GRM5: variants seen among roughly 807,000 people sequenced by gnomAD.
GRM5 encodes the protein metabotropic glutamate receptor 5.
Under a neutral mutation model 83.1 loss-of-function variants are expected in GRM5, and 19 were observed. The ratio of observed to expected loss-of-function variants is 0.23; its 90% CI spans 0.16 to 0.34. GRM5 has a LOEUF of 0.34. Among genes scored for constraint, GRM5 ranks in the 10% least tolerant of loss-of-function variants. The pLI, the probability that GRM5 is intolerant of heterozygous loss-of-function variation, is 1.00. For missense variants in GRM5, 1,160 were observed against 1,588.3 expected, an observed-to-expected ratio of 0.73 and a Z score of 4.58; for synonymous variants, 675 against 633.6, an observed-to-expected ratio of 1.07 and a Z score of -0.98.
At chr11:88,981,281 A>C (rs746260761) in intron 2 of GRM5, among the ~76,000 whole-genome samples, 1 of 152,202 alleles carries the variant, frequency 6.6e-6, no homozygotes, top group Non-Finnish European at 1.5e-5. Flanking sequence ...AAACATGAGG[A>C]AACTGAAGCT....
intron 8 of GRM5, among the ~76,000 whole-genome samples, chr11:88,542,779 A>G (rs754739477): frequency 9.9e-5 from 15 of 152,164 alleles, no homozygotes; most frequent in Non-Finnish European, 1.5e-4. Flanking sequence ...GGTAAAGATA[A>G]TAACACCTGC....
chr11:88,552,752 G>A (rs1942539699), intron 8 of GRM5, among the ~76,000 whole-genome samples: 1 of 152,126 alleles, frequency 6.6e-6, no homozygotes, highest in South Asian at 2.1e-4. Flanking sequence ...ACTGAGGATG[G>A]TCAGAAATGC....
chr11:89,046,962 G>T (rs913619187), intron 2 of GRM5, among the ~76,000 whole-genome samples: 21 of 152,168 alleles, frequency 1.4e-4, no homozygotes, highest in South Asian at 4.1e-4. Flanking sequence ...CAGTATAGCA[G>T]AAGTAAATAA....
intron 2 of GRM5, among the ~76,000 whole-genome samples, chr11:88,850,872 T>C (rs1308758679): frequency 8.2e-6 from 1 of 121,588 alleles, no homozygotes; most frequent in African/African-American, 3.3e-5. Context: ...CTTTAAAAAT[T>C]AATGAAAAGG....
At position 88,508,429 on chromosome 11, in the gene GRM5, C is replaced by G. The variant is rs566277; in HGVS notation, c.*163G>C. 0.089 allele frequency: 44,785 copies of G among 502,398 alleles called. 4,484 individuals carry two copies. Among genetic ancestry groups the G allele is most frequent in the East Asian group, 0.35 (9,797 of 28,392 alleles). The allele number at this position is 502,398 out of a possible 1,614,324, so 31.1% of individuals were successfully genotyped here. A position where few individuals can be genotyped will look rare whatever the true frequency, so the allele number is the denominator to read the frequency against. ...AAAGATTTGTCGTCGGTTTCTTCGTCGGTTGTCATGAGATAGCACTACTGA... is the reference window on the plus strand; with the variant it reads ...AAAGATTTGTCGTCGGTTTCTTCGTGGGTTGTCATGAGATAGCACTACTGA... On this transcript the variant is annotated 3_prime_UTR_variant, in exon 10 of 10. Transcript: ENST00000305447. The surrounding 1 kb of genome is among the most constrained non-coding windows in gnomAD (Gnocchi z 4.2).
chr11:88,906,644 A>G (rs1945408370), intron 2 of GRM5, among the ~76,000 whole-genome samples: 1 of 152,206 alleles, frequency 6.6e-6, no homozygotes, highest in South Asian at 2.1e-4. Context: ...AGAAATAACC[A>G]CAATTATGGT....
chr11:88,831,238 C>G (rs985091519), intron 3 of GRM5, among the ~76,000 whole-genome samples: 7 of 152,232 alleles, frequency 4.6e-5, no homozygotes, highest in African/African-American at 1.7e-4. Context: ...CTGTCAGATG[C>G]TATGGCCAAT....
rs558504167 is a variant in GRM5 at position 88,712,284 on chromosome 11, T to G, written c.912-58881A>C. On this transcript the variant is annotated intron_variant, in intron 3 of 9. Transcript: ENST00000305447. The stretch of plus-strand genomic sequence containing the variant: ...AATATTTGAATCACCATTTCTGAAG[T>G]AGCCCCGTCTCCAGGACATCCCATA... 1.4e-4 allele frequency among the ~76,000 whole-genome samples: 21 copies of G among 152,142 alleles called. No homozygotes were observed. In the East Asian group the frequency reaches 2.7e-3, roughly 20 times the overall value.
At chr11:88,986,907 G>A (rs1166890809) in intron 2 of GRM5, among the ~76,000 whole-genome samples, 1 of 151,856 alleles carries the variant, frequency 6.6e-6, no homozygotes, top group Non-Finnish European at 1.5e-5. Flanking sequence ...AAGAGTCCAG[G>A]CCTGGCATGG....
intron 2 of GRM5, among the ~76,000 whole-genome samples, chr11:88,930,487 A>T (rs1386424780): frequency 6.6e-6 from 1 of 152,136 alleles, no homozygotes; most frequent in Non-Finnish European, 1.5e-5. Flanking sequence ...AACTTTTATC[A>T]TGTGGCCCTC....
chr11:88,959,563 A>C (rs977089881), intron 2 of GRM5, among the ~76,000 whole-genome samples: 1 of 152,214 alleles, frequency 6.6e-6, no homozygotes, highest in Non-Finnish European at 1.5e-5. Flanking sequence ...TAAATTGATA[A>C]AAATATACTA....
At chr11:89,039,940 C>T (rs530766945) in intron 2 of GRM5, among the ~76,000 whole-genome samples, 1 of 152,316 alleles carries the variant, frequency 6.6e-6, no homozygotes, top group African/African-American at 2.4e-5. Flanking sequence ...GCTGGGTGCA[C>T]ACCACCATGT....
intron 2 of GRM5, among the ~76,000 whole-genome samples, chr11:89,019,540 C>CA (rs765009438): frequency 0.058 from 7,153 of 122,950 alleles, 382 homozygotes; most frequent in African/African-American, 0.16. Context: ...ACTAAAAATA[C>CA]AAAAAAAAAA....
chr11:88,551,510 ATTC>A (rs1012427323), intron 8 of GRM5, among the ~76,000 whole-genome samples: 6 of 152,140 alleles, frequency 3.9e-5, no homozygotes, highest in African/African-American at 1.4e-4. Flanking sequence ...CCCCTTCACA[ATTC>A]TTTTTTCCCC....
chr11:88,949,862 T>C (rs1421850580), intron 2 of GRM5, among the ~76,000 whole-genome samples: 1 of 152,106 alleles, frequency 6.6e-6, no homozygotes, highest in Non-Finnish European at 1.5e-5. Flanking sequence ...ATGTAATCAA[T>C]ATGCAATACT....
At chr11:88,802,555 A>G (rs889261024) in intron 3 of GRM5, among the ~76,000 whole-genome samples, 13 of 152,198 alleles carry the variant, frequency 8.5e-5, no homozygotes, top group South Asian at 2.1e-4. Flanking sequence ...AGAGCTATCT[A>G]TGACAAACTC....
chr11:88,509,321 G>A lies in GRM5; in HGVS notation c.2910C>T (p.Ser970=), dbSNP rs1374244854. 4 of 1,593,192 alleles carry A rather than the reference G, an allele frequency of 2.5e-6. No homozygotes were observed. The highest frequency in any genetic ancestry group is 1.4e-5 in the African/African-American group (1 of 73,372). The change falls in exon 10 of 10, where the codon AGC becomes AGT. Residue 970 remains serine (S), a synonymous_variant. Transcript: ENST00000305447. ...GLGAGAGAGG[S]AGGVGATGGA... ...CGCCCGTGGCCCCCACGCCCCCAGC[G>A]CTCCCGCCTGCGCCAGCGCCAGCGC...
At chr11:88,721,236 A>G (rs138641515) in intron 3 of GRM5, among the ~76,000 whole-genome samples, 38 of 152,244 alleles carry the variant, frequency 2.5e-4, no homozygotes, top group African/African-American at 9.1e-4. Flanking sequence ...TTCATCATGA[A>G]AAGAGCAACT....
intron 8 of GRM5, among the ~76,000 whole-genome samples, chr11:88,560,079 G>A (rs1025201945): frequency 3.3e-5 from 5 of 152,080 alleles, no homozygotes; most frequent in Admixed American, 2.6e-4. Context: ...AATTGTATAA[G>A]GATCAGTGTG....
Sources: gnomAD v4.1 joint callset for allele counts (sites outside exome capture counted in the v4.1 genomes callset) on GRCh38, gnomAD v4.1.1 for gene constraint, Gnocchi (gnomAD v3.1) non-coding constraint, MANE v1.5 for transcripts, NCBI Gene and HGNC (gene_info 2026-07-23, HGNC 2026-07-21) for gene names.